The following CAMK4 variants were observed in gnomAD, a reference collection of about 807,000 sequenced individuals.
CAMK4 encodes the protein calcium/calmodulin-dependent protein kinase type IV.
A neutral mutation model predicts 44.9 loss-of-function variants in CAMK4; 22 were observed. The observed-to-expected ratio is 0.49, with a 90% CI of 0.35 to 0.70. The LOEUF is 0.70. CAMK4 is among the 30% of genes least tolerant of loss of function. The pLI is 0.01. For synonymous variants in CAMK4, 218 were observed against 215.4 expected, an observed-to-expected ratio of 1.01 and a Z score of -0.11; for missense variants, 498 against 586.8, an observed-to-expected ratio of 0.85 and a Z score of 1.56.
rs781621581 is a variant in CAMK4 at position 111,484,393 on chromosome 5, C to T, written c.1349C>T (p.Pro450Leu). 1.9e-6 allele frequency: 3 copies of T among 1,584,274 alleles called. No individual in the cohort carries two copies. The East Asian group carries it at 6.7e-5, about 36-fold the overall frequency. ...KLKTVEEAAA[P>L]REGQGSSAVG... Reference sequence around the variant, plus strand: ...AAGACTGTGGAGGAGGCAGCAGCTCCCAGAGAAGGGCAAGGAAGCTCTGCT... The same window carrying T: ...AAGACTGTGGAGGAGGCAGCAGCTCTCAGAGAAGGGCAAGGAAGCTCTGCT... The change falls in exon 11 of 11, where the codon CCC becomes CTC. Residue 450 changes from proline (P) to leucine (L), a missense_variant. Transcript: ENST00000282356. The surrounding 1 kb of genome is among the most constrained non-coding windows in gnomAD (Gnocchi z 5.3).
intron 1 of CAMK4, among the ~76,000 whole-genome samples, chr5:111,284,315 T>G (rs565378334): frequency 4.1e-4 from 62 of 152,316 alleles, no homozygotes; most frequent in African/African-American, 1.4e-3. Context: ...CAAAAGACCT[T>G]TATTGGTAGT....
intron 1 of CAMK4, among the ~76,000 whole-genome samples, chr5:111,328,128 G>T (rs1490118892): frequency 7.0e-6 from 1 of 143,054 alleles, no homozygotes; most frequent in Non-Finnish European, 1.5e-5. Flanking sequence ...TTTTTCTAGG[G>T]TTTTTATGGT....
chr5:111,333,701 A>T (rs184769041), intron 1 of CAMK4, among the ~76,000 whole-genome samples: 20 of 151,808 alleles, frequency 1.3e-4, no homozygotes, highest in Admixed American at 1.2e-3. Flanking sequence ...GGATGCTGTT[A>T]GGCAACAACT....
intron 5 of CAMK4, among the ~76,000 whole-genome samples, chr5:111,425,339 A>C (rs974342378): frequency 6.6e-6 from 1 of 152,180 alleles, no homozygotes; most frequent in African/African-American, 2.4e-5. Context: ...TGCAGCCCCC[A>C]TGGGCTGATG....
intron 1 of CAMK4, among the ~76,000 whole-genome samples, chr5:111,238,654 G>A (rs1035813796): frequency 6.6e-6 from 1 of 150,718 alleles, no homozygotes; most frequent in African/African-American, 2.4e-5. Flanking sequence ...CCTGTCTGAC[G>A]TCGCAGTTTG....
chr5:111,338,098 C>T (rs970867258), intron 1 of CAMK4, among the ~76,000 whole-genome samples: 2 of 150,996 alleles, frequency 1.3e-5, no homozygotes, highest in Admixed American at 1.3e-4. Flanking sequence ...AGTATATGGT[C>T]AAATCATTTT....
At chr5:111,317,758 C>G (rs369274936) in intron 1 of CAMK4, among the ~76,000 whole-genome samples, 2 of 151,974 alleles carry the variant, frequency 1.3e-5, no homozygotes, top group African/African-American at 2.4e-5. Context: ...CAAAAGGGCT[C>G]TGCACTTGGT....
At chr5:111,229,445 C>T (rs1310006505) in intron 1 of CAMK4, among the ~76,000 whole-genome samples, 1 of 152,190 alleles carries the variant, frequency 6.6e-6, no homozygotes, top group Admixed American at 6.5e-5. Flanking sequence ...TTCCAAAAGC[C>T]CCACCTATAA....
chr5:111,333,866 A>C (rs1469301613), intron 1 of CAMK4, among the ~76,000 whole-genome samples: 3 of 151,602 alleles, frequency 2.0e-5, no homozygotes, highest in Non-Finnish European at 4.4e-5. Flanking sequence ...GTCAGGAATG[A>C]TACCTGTAAG....
intron 4 of CAMK4, among the ~76,000 whole-genome samples, chr5:111,379,377 G>C (rs542853499): frequency 3.2e-4 from 49 of 152,258 alleles, no homozygotes; most frequent in African/African-American, 1.1e-3. Flanking sequence ...CATTTGGAGA[G>C]ATAAGTGGAT....
chr5:111,313,272 C>A (rs1748286165), intron 1 of CAMK4, among the ~76,000 whole-genome samples: 1 of 152,064 alleles, frequency 6.6e-6, no homozygotes, highest in African/African-American at 2.4e-5. Flanking sequence ...TGCTTCTACC[C>A]CATGGAGCAG....
At position 111,346,508 on chromosome 5, in the gene CAMK4, A is replaced by ATCTATCTT. The variant is rs1224479958; in HGVS notation, c.240+2413_240+2414insTTCTATCT. On this transcript the variant is annotated intron_variant, in intron 2 of 10. Coordinates refer to ENST00000282356, the MANE Select transcript of CAMK4 (RefSeq NM_001744.6). ...TATCTATCTATCTATCTATCTATCT[A>ATCTATCTT]TCTATCTCCATCCATCTATCTATTT... is the stretch of plus-strand genomic sequence containing the variant. Among the ~76,000 whole-genome samples the ATCTATCTT allele has an allele frequency of 3.0e-5, 4 of 134,382 alleles. No homozygotes were observed. In the Admixed American group the frequency reaches 3.1e-4, roughly 10 times the overall value. 88.2% of individuals were successfully genotyped at this position (134,382 alleles called of 152,430 possible).
intron 5 of CAMK4, among the ~76,000 whole-genome samples, chr5:111,434,464 T>A (rs1561486237): frequency 6.6e-6 from 1 of 152,172 alleles, no homozygotes; most frequent in East Asian, 1.9e-4. Context: ...CCAAAACAAG[T>A]AAGAATGTCT....
chr5:111,224,400 T>G lies in CAMK4; in HGVS notation c.-84T>G. 1 of 1,468,632 alleles carries G rather than the reference T, an allele frequency of 6.8e-7. No individual in the cohort carries two copies. Among genetic ancestry groups the G allele is most frequent in the Non-Finnish European group, 9.0e-7 (1 of 1,113,936 alleles). The allele number at this position is 1,468,632 out of a possible 1,614,324, so 91.0% of individuals were successfully genotyped here. A position where few individuals can be genotyped will look rare whatever the true frequency, so the allele number is the denominator to read the frequency against. ...ACGCCGCCTCTCTCTCGCTCCTGCG[T>G]TCGCAGGCGGCGGCTGGCGGCCGGC... On this transcript the variant is annotated 5_prime_UTR_variant, in exon 1 of 11. Coordinates refer to ENST00000282356, the MANE Select transcript of CAMK4 (RefSeq NM_001744.6). This position sits in a 1 kb window ranked among gnomAD's most constrained non-coding sequence, Gnocchi z 5.7.
rs1346608339 is a variant in CAMK4, at chr5:111,344,102, A to T, written c.240A>T (p.Thr80=). 7.0e-6 allele frequency: 11 copies of T among 1,576,054 alleles called. No individual in the cohort carries two copies. In the African/African-American group the frequency reaches 1.2e-4, roughly 17 times the overall value. ...KPYALKVLKK[T]VDKKIVRTEI... ...ATGCTCTCAAAGTGTTAAAGAAAAC[A>T]GTAAGTTTATTTCTTATATAATGGC... Residue 80 remains threonine, a splice_region_variant and synonymous_variant, in exon 2 of 11, where the codon ACA becomes ACT. Transcript: ENST00000282356.
chr5:111,236,619 A>G lies in CAMK4; in HGVS notation c.161+11975A>G, dbSNP rs147670396. Reference sequence around the variant, plus strand: ...TCTTCATATCTCTGTGGTGTTAAGCATGAAACTCTCTTGGCCTGAAATGTG... The same window carrying G: ...TCTTCATATCTCTGTGGTGTTAAGCGTGAAACTCTCTTGGCCTGAAATGTG... On this transcript the variant is annotated intron_variant, in intron 1 of 10. Transcript: ENST00000282356. 4.2e-3 allele frequency among the ~76,000 whole-genome samples: 641 copies of G among 152,332 alleles called. 2 individuals carry two copies. The highest frequency in any genetic ancestry group is 7.3e-3 in the Admixed American group (111 of 15,308).
At chr5:111,312,789 G>C (rs1748263922) in intron 1 of CAMK4, among the ~76,000 whole-genome samples, 2 of 152,152 alleles carry the variant, frequency 1.3e-5, no homozygotes, top group Admixed American at 6.6e-5. Context: ...TGACGAATGT[G>C]ATTTGTTAGC....
At chr5:111,337,926 C>T (rs1749476037) in intron 1 of CAMK4, among the ~76,000 whole-genome samples, 1 of 151,090 alleles carries the variant, frequency 6.6e-6, no homozygotes, top group South Asian at 2.1e-4. Flanking sequence ...TGCCTCTAGA[C>T]TGTTTTAGTT....
At chr5:111,476,675 TC>T (rs1322160919) in intron 8 of CAMK4, among the ~76,000 whole-genome samples, 2 of 152,140 alleles carry the variant, frequency 1.3e-5, no homozygotes, top group Admixed American at 6.5e-5. Flanking sequence ...TGAAGGCCAT[TC>T]TATTTTTCCT....
Sources: gnomAD v4.1 joint callset for allele counts (sites outside exome capture counted in the v4.1 genomes callset) on GRCh38, gnomAD v4.1.1 for gene constraint, Gnocchi (gnomAD v3.1) non-coding constraint, MANE v1.5 for transcripts, NCBI Gene and HGNC (gene_info 2026-07-23, HGNC 2026-07-21) for gene names.